Variants in KCNB2 observed in about 807,000 individuals in gnomAD.
KCNB2 encodes potassium voltage-gated channel subfamily B member 2.
A neutral mutation model predicts 61.5 loss-of-function variants in KCNB2; 15 were observed. That is an observed-to-expected ratio of 0.24 (90% CI 0.16 to 0.38). The LOEUF (loss-of-function observed/expected upper bound fraction) is 0.38, where lower values mean the gene tolerates loss of function less well. Among genes scored for constraint, KCNB2 ranks in the 10% least tolerant of loss-of-function variants. The pLI, the probability that KCNB2 is intolerant of heterozygous loss-of-function variation, is 1.00. For missense variants in KCNB2, 828 were observed against 1,125.2 expected, an observed-to-expected ratio of 0.74 and a Z score of 3.78; for synonymous variants, 457 against 446.0, an observed-to-expected ratio of 1.02 and a Z score of -0.31.
At chr8:72,670,281 T>G (rs1806542048) in intron 2 of KCNB2, among the ~76,000 whole-genome samples, 1 of 152,228 alleles carries the variant, frequency 6.6e-6, no homozygotes, top group Non-Finnish European at 1.5e-5. Context: ...CAATTTGAAC[T>G]TCTCATTACT....
At chr8:72,818,549 C>A (rs1433344597) in intron 2 of KCNB2, among the ~76,000 whole-genome samples, 2 of 152,102 alleles carry the variant, frequency 1.3e-5, no homozygotes, top group African/African-American at 2.4e-5. Context: ...TAACACAGTG[C>A]CATGCCAGGT....
chr8:72,924,919 G>A (rs902064433), intron 2 of KCNB2, among the ~76,000 whole-genome samples: 3 of 152,168 alleles, frequency 2.0e-5, no homozygotes, highest in Non-Finnish European at 2.9e-5. Context: ...GATCACGCAA[G>A]CTCTCTGCAG....
At chr8:72,693,761 G>A (rs1806975582) in intron 2 of KCNB2, among the ~76,000 whole-genome samples, 1 of 152,226 alleles carries the variant, frequency 6.6e-6, no homozygotes, top group Non-Finnish European at 1.5e-5. Context: ...GAAGCAGAAA[G>A]AGAAAGAACC....
chr8:72,828,408 T>G (rs191891837), intron 2 of KCNB2, among the ~76,000 whole-genome samples: 66 of 152,316 alleles, frequency 4.3e-4, no homozygotes, highest in African/African-American at 1.2e-3. Context: ...ATTCATCATA[T>G]GGCCCTAGCA....
intron 2 of KCNB2, among the ~76,000 whole-genome samples, chr8:72,859,958 A>G (rs1321936997): frequency 6.6e-6 from 1 of 151,654 alleles, no homozygotes; most frequent in Non-Finnish European, 1.5e-5. Context: ...ACCTCAGGTG[A>G]TCCACCCGCC....
At chr8:72,703,110 A>C (rs1807162232) in intron 2 of KCNB2, among the ~76,000 whole-genome samples, 1 of 152,250 alleles carries the variant, frequency 6.6e-6, no homozygotes, top group Admixed American at 6.5e-5. Context: ...GAAGGCCAGC[A>C]ACATCAGCGT....
rs184000519 is a variant in KCNB2 at position 72,604,491 on chromosome 8, T to A, written c.579+36178T>A. Among the ~76,000 whole-genome samples, 476 of 152,300 alleles carry A rather than the reference T, an allele frequency of 3.1e-3. 4 individuals carry two copies. Among genetic ancestry groups the A allele is most frequent in the African/African-American group, 0.011 (460 of 41,580 alleles). ...ACTTAAATTTGAGCCTCAGTTGCCTTATCTTGAAAATAAACAAATAATGTC... is the reference window on the plus strand; with the variant it reads ...ACTTAAATTTGAGCCTCAGTTGCCTAATCTTGAAAATAAACAAATAATGTC... On this transcript the variant is annotated intron_variant, in intron 2 of 2. Coordinates refer to ENST00000523207, the MANE Select transcript of KCNB2 (RefSeq NM_004770.3).
chr8:72,546,158 A>T (rs1192945533), intron 1 of KCNB2, among the ~76,000 whole-genome samples: 1 of 148,818 alleles, frequency 6.7e-6, no homozygotes, highest in Non-Finnish European at 1.5e-5. Flanking sequence ...ACAGAAGAAA[A>T]GTTCAAAGCT....
At chr8:72,931,342 T>C (rs184268308) in intron 2 of KCNB2, among the ~76,000 whole-genome samples, 68 of 152,324 alleles carry the variant, frequency 4.5e-4, no homozygotes, top group Admixed American at 1.4e-3. Flanking sequence ...AAGAAAGTCA[T>C]TGGTAGCTTG....
At chr8:72,761,571 T>C (rs530346280) in intron 2 of KCNB2, among the ~76,000 whole-genome samples, 43 of 152,096 alleles carry the variant, frequency 2.8e-4, no homozygotes, top group Non-Finnish European at 5.0e-4. Flanking sequence ...GAGAGGAAAA[T>C]GGATTAATCA....
intron 2 of KCNB2, among the ~76,000 whole-genome samples, chr8:72,886,405 G>A (rs1390403469): frequency 6.6e-6 from 1 of 152,162 alleles, no homozygotes; most frequent in Non-Finnish European, 1.5e-5. Context: ...AGAAAAAGGG[G>A]AACAAAGAAC....
intron 2 of KCNB2, among the ~76,000 whole-genome samples, chr8:72,809,049 CAG>C (rs1236481241): frequency 6.6e-6 from 1 of 152,094 alleles, no homozygotes; most frequent in Non-Finnish European, 1.5e-5. Context: ...CTGGCCAAAA[CAG>C]AGTGTTCAAT....
chr8:72,769,422 A>G (rs1258177075), intron 2 of KCNB2, among the ~76,000 whole-genome samples: 1 of 152,172 alleles, frequency 6.6e-6, no homozygotes, highest in Non-Finnish European at 1.5e-5. Flanking sequence ...ACAAACAAAA[A>G]AAATTGCACT....
chr8:72,663,254 G>A (rs1806409874), intron 2 of KCNB2, among the ~76,000 whole-genome samples: 1 of 152,122 alleles, frequency 6.6e-6, no homozygotes, highest in African/African-American at 2.4e-5. Flanking sequence ...AATAATACAA[G>A]ACATGGAAGA....
At chr8:72,619,396 AT>A (rs1805678663) in intron 2 of KCNB2, 10 of 467,210 alleles carry the variant, frequency 2.1e-5, no homozygotes, top group Non-Finnish European at 4.2e-5. Context: ...CAAGTCATGT[AT>A]TACCAGGTAG....
intron 1 of KCNB2, among the ~76,000 whole-genome samples, chr8:72,540,955 A>G (rs954144672): frequency 1.3e-5 from 2 of 151,502 alleles, no homozygotes; most frequent in African/African-American, 4.8e-5. Context: ...TAACAAATGT[A>G]AAAAATATAG....
intron 2 of KCNB2, among the ~76,000 whole-genome samples, chr8:72,743,030 G>A (rs920062728): frequency 1.3e-5 from 2 of 152,156 alleles, no homozygotes; most frequent in Admixed American, 1.3e-4. Flanking sequence ...GGCAGATGAC[G>A]ACTCTTAGTC....
intron 2 of KCNB2, among the ~76,000 whole-genome samples, chr8:72,569,897 G>A (rs1200443383): frequency 6.6e-6 from 1 of 152,102 alleles, no homozygotes; most frequent in Non-Finnish European, 1.5e-5. Flanking sequence ...AAGCAATTAA[G>A]TCAAAGAAAG....
chr8:72,683,124 G>T (rs1455164080), intron 2 of KCNB2, among the ~76,000 whole-genome samples: 1 of 152,196 alleles, frequency 6.6e-6, no homozygotes, highest in African/African-American at 2.4e-5. Context: ...CATAATGAAA[G>T]AACTTTCTTA....
Sources: gnomAD v4.1 joint callset for allele counts (sites outside exome capture counted in the v4.1 genomes callset) on GRCh38, gnomAD v4.1.1 for gene constraint, MANE v1.5 for transcripts, NCBI Gene and HGNC (gene_info 2026-07-23, HGNC 2026-07-21) for gene names.